The following TSPAN1 variants were observed in gnomAD, a reference collection of about 807,000 sequenced individuals.
TSPAN1 encodes the protein tetraspanin 1.
In TSPAN1, 23 loss-of-function variants were observed where a neutral mutation model predicts 26.9. The observed-to-expected ratio is 0.85, with a 90% confidence interval of 0.62 to 1.21. TSPAN1 has a LOEUF of 1.21. Ranked by LOEUF, TSPAN1 falls within the 50% of genes most tolerant of loss-of-function variation. The pLI, the probability that TSPAN1 is intolerant of heterozygous loss-of-function variation, is 0.00. For synonymous variants in TSPAN1, 115 were observed against 114.8 expected (o/e 1.00, Z -0.01); for missense variants, 283 against 298.4 (o/e 0.95, Z 0.38).
At chr1:46,192,173 T>C in the TSPAN1 span, 1 of 1,614,192 alleles carries the variant, frequency 6.2e-7, no homozygotes, top group Non-Finnish European at 8.5e-7. Flanking sequence ...TGATGCACTC[T>C]CGGCCCCGGC....
At chr1:46,190,249 T>C, downstream of TSPAN1, 1 of 686,150 alleles carries the variant, frequency 1.5e-6, no homozygotes, top group Non-Finnish European at 2.5e-6. Context: ...TTTCACCGTG[T>C]TAGCCAGGAT....
At chr1:46,178,816 A>G (rs1657246161) in intron 1 of TSPAN1, among the ~76,000 whole-genome samples, 1 of 152,202 alleles carries the variant, frequency 6.6e-6, no homozygotes, top group Non-Finnish European at 1.5e-5. Context: ...CATGGCAAGT[A>G]CCTGACCCTT....
At chr1:46,187,074 C>T (rs1571641927), downstream of TSPAN1, among the ~76,000 whole-genome samples, 1 of 152,246 alleles carries the variant, frequency 6.6e-6, no homozygotes, top group Admixed American at 6.5e-5. Context: ...TCCCAAAGAG[C>T]TGGGATTACA....
downstream of TSPAN1, among the ~76,000 whole-genome samples, chr1:46,186,914 G>A (rs921822218): frequency 2.6e-5 from 4 of 151,448 alleles, no homozygotes; most frequent in East Asian, 1.9e-4. Context: ...CACTCACCTC[G>A]GCCTCCCAAA....
At chr1:46,180,776 A>G in intron 2 of TSPAN1, 118 bp downstream of exon 2, 1 of 349,102 alleles carries the variant, frequency 2.9e-6, no homozygotes, top group Non-Finnish European at 5.3e-6. Flanking sequence ...TGTGGGGGGG[A>G]GCACAGGATA....
At chr1:46,189,511 C>T (rs1298358291), downstream of TSPAN1, 8 of 1,613,692 alleles carry the variant, frequency 5.0e-6, no homozygotes, top group Non-Finnish European at 6.8e-6. Context: ...TCTTCCGAAA[C>T]AATCTCCACA....
At chr1:46,191,701 C>G in the TSPAN1 span, 1 of 331,940 alleles carries the variant, frequency 3.0e-6, no homozygotes, top group Non-Finnish European at 5.9e-6. Flanking sequence ...GTGGCGTGAT[C>G]TTGGCTCACA....
chr1:46,188,546 T>C, downstream of TSPAN1: 1 of 1,200,372 alleles, frequency 8.3e-7, no homozygotes, highest in Non-Finnish European at 1.1e-6. Context: ...AGGCATCCCC[T>C]GGTGGCCAAA....
At chr1:46,187,676 G>C (rs1657465103), downstream of TSPAN1, among the ~76,000 whole-genome samples, 1 of 152,226 alleles carries the variant, frequency 6.6e-6, no homozygotes, top group African/African-American at 2.4e-5. Flanking sequence ...CTGTGTGGAG[G>C]CTGCATGGGA....
At chr1:46,189,539 C>G (rs267606962), downstream of TSPAN1, 7 of 1,612,846 alleles carry the variant, frequency 4.3e-6, no homozygotes, top group South Asian at 1.1e-5. Context: ...ATGGTTGCCA[C>G]GCACATCCAG....
At position 46,184,523 on chromosome 1, in the gene TSPAN1, G is replaced by GT. The variant is rs1290550412; in HGVS notation, c.265-71_265-70insT. On this transcript the variant is annotated intron_variant, in intron 4 of 8. Coordinates refer to ENST00000372003, the MANE Select transcript of TSPAN1 (RefSeq NM_005727.4). The stretch of plus-strand genomic sequence containing the variant: ...CAGGCTTCTGTCTCACTTTTCCGGG[G>GT]GGGGGATTAGGGCAAGGAGGGCATG... 1.1e-5 allele frequency: 18 copies of GT among 1,604,588 alleles called. 1 individual carries two copies. In the East Asian group the frequency reaches 2.9e-4, roughly 26 times the overall value.
At chr1:46,193,867 T>C in the TSPAN1 span, 9 of 1,614,086 alleles carry the variant, frequency 5.6e-6, no homozygotes, top group African/African-American at 8.0e-5. Context: ...GTACAGGTAA[T>C]TGGGTCGGTT....
At chr1:46,184,914 G>T in intron 6 of TSPAN1, 31 bp downstream of exon 6, 1 of 1,614,098 alleles carries the variant, frequency 6.2e-7, no homozygotes, top group Non-Finnish European at 8.5e-7. Flanking sequence ...TTTTAGGGTG[G>T]AGAGAAAGAA....
At chr1:46,195,251 C>T in the TSPAN1 span, among the ~76,000 whole-genome samples, 1 of 152,200 alleles carries the variant, frequency 6.6e-6, no homozygotes, top group Admixed American at 6.5e-5. Context: ...CCTTATTCTG[C>T]TCCACCTCGA....
chr1:46,189,464 G>C (rs747723242), downstream of TSPAN1: 47 of 1,613,540 alleles, frequency 2.9e-5, 1 homozygote, highest in East Asian at 4.5e-4. Flanking sequence ...TCACGAGTAG[G>C]GGGAAGCCGG....
intron 2 of TSPAN1, among the ~76,000 whole-genome samples, 199 bp downstream of exon 2, chr1:46,180,857 C>A (rs751884951): frequency 6.6e-6 from 1 of 151,776 alleles, no homozygotes; most frequent in Non-Finnish European, 1.5e-5. Context: ...GGTGGAGGAA[C>A]CTGGGGTGTT....
downstream of TSPAN1, chr1:46,190,007 A>AGAATATAGCC: frequency 6.2e-7 from 1 of 1,612,524 alleles, no homozygotes; most frequent in Non-Finnish European, 8.5e-7. Context: ...AGAGGGTGGG[A>AGAATATAGCC]GAATATAGCC....
At chr1:46,190,030 A>T (rs369372763), downstream of TSPAN1, 9 of 1,610,004 alleles carry the variant, frequency 5.6e-6, no homozygotes, top group African/African-American at 1.2e-4. Context: ...GACAGGGCCC[A>T]CTTCATGGGT....
chr1:46,189,626 T>C, downstream of TSPAN1: 1 of 1,570,254 alleles, frequency 6.4e-7, no homozygotes, highest in Non-Finnish European at 8.6e-7. Context: ...GAGGGGTCAC[T>C]GACGACCCTT....
Sources: allele counts gnomAD v4.1 joint callset (sites outside exome capture counted in the v4.1 genomes callset), GRCh38; gene constraint gnomAD v4.1.1; transcripts MANE v1.5; gene names NCBI Gene and HGNC (gene_info 2026-07-23, HGNC 2026-07-21).